Variants in NEK8 observed in about 807,000 individuals in gnomAD.
The protein encoded by NEK8 is NIMA related kinase 8.
A neutral mutation model predicts 77.2 loss-of-function variants in NEK8; 51 were observed. The ratio of observed to expected loss-of-function variants is 0.66; its 90% CI spans 0.53 to 0.83. NEK8 has a LOEUF of 0.83. Ranked by LOEUF, NEK8 falls within the 40% of genes least tolerant of loss-of-function variation. The pLI, the probability that NEK8 is intolerant of heterozygous loss-of-function variation, is 0.00. For synonymous variants in NEK8, 365 were observed against 363.2 expected, an observed-to-expected ratio of 1.00 and a Z score of -0.06; for missense variants, 787 against 909.2, an observed-to-expected ratio of 0.87 and a Z score of 1.73.
intron 4 of NEK8, among the ~76,000 whole-genome samples, chr17:28,736,723 C>A (rs1264934233): frequency 6.6e-6 from 1 of 152,154 alleles, no homozygotes; most frequent in South Asian, 2.1e-4. Flanking sequence ...TGTAGGTTGC[C>A]TGTTCACTCT....
rs371406871 is a variant in NEK8, at chr17:28,738,200, A to G, written c.1177A>G (p.Ile393Val). ...RFLEGQSGVTIKHVACGDFFT... is the reference protein window; with the variant it reads ...RFLEGQSGVTVKHVACGDFFT... ...CCTGGAGGGCCAGTCGGGTGTGACC[A>G]TCAAGCACGTGGCCTGTGGGGACTT... Residue 393 changes from isoleucine (I) to valine (V), a missense_variant, in exon 8 of 15, where the codon ATC (isoleucine) becomes GTC (valine). By Grantham distance (29) the Ile-to-Val change is conservative. This residue lies in a region of NEK8 where 516 missense variants were observed against 544.0 expected (regional missense o/e 0.95). Coordinates refer to ENST00000268766, the MANE Select transcript of NEK8 (RefSeq NM_178170.3). 28 of 1,613,998 alleles carry G rather than the reference A, an allele frequency of 1.7e-5. No individual in the cohort carries two copies. Among genetic ancestry groups the G allele is most frequent in the Non-Finnish European group, 2.1e-5 (25 of 1,180,012 alleles).
At position 28,739,249 on chromosome 17, in the gene NEK8, C is replaced by T. The variant is rs774309891; in HGVS notation, c.1417+48C>T. On this transcript the variant is annotated intron_variant, in intron 10 of 14. Coordinates refer to ENST00000268766, the MANE Select transcript of NEK8 (RefSeq NM_178170.3). ...CATCTCACAGCATCCTCAGCCATGA[C>T]TTGCTCCCCTTCATACCCACCTTCC... 30 of 1,261,494 alleles carry T rather than the reference C, an allele frequency of 2.4e-5. No homozygotes were observed. In the African/African-American group the frequency reaches 3.8e-4, roughly 16 times the overall value. 78.1% of individuals were successfully genotyped at this position (1,261,494 alleles called of 1,614,324 possible).
rs549513388 is a variant in NEK8, at chr17:28,742,710, T to A, written c.*723T>A. On this transcript the variant is annotated 3_prime_UTR_variant, in exon 15 of 15. Coordinates refer to ENST00000268766, the MANE Select transcript of NEK8 (RefSeq NM_178170.3). The stretch of plus-strand genomic sequence containing the variant: ...GCCAGGAGGATCCCTTGATCCCTTG[T>A]GGCCAGGAGTTGGGAGACCAGCCTG... 6.6e-6 allele frequency: 1 copy of A among 150,416 alleles called. No individual in the cohort carries two copies. Among genetic ancestry groups the A allele is most frequent in the East Asian group, 2.0e-4 (1 of 5,080 alleles). 9.3% of individuals were successfully genotyped at this position (150,416 alleles called of 1,614,324 possible).
In NEK8 at chr17:28,742,409, T is replaced by C. The variant is rs1043682433; in HGVS notation, c.*422T>C. On this transcript the variant is annotated 3_prime_UTR_variant, in exon 15 of 15. Transcript: ENST00000268766. ...GAGATCGAGACCATCCTGGCTAACG[T>C]GGTGAAACCCCATCTCTACTAAAAA... 2 of 288,972 alleles carry C rather than the reference T, an allele frequency of 6.9e-6. No homozygotes were observed. The allele number at this position is 288,972 out of a possible 1,614,324, so 17.9% of individuals were successfully genotyped here.
rs755125104 is a variant in NEK8 at position 28,734,122 on chromosome 17, G to A, written c.187G>A (p.Val63Ile). 1 of 1,614,008 alleles carries A rather than the reference G, an allele frequency of 6.2e-7. No individual in the cohort carries two copies. Among genetic ancestry groups the A allele is most frequent in the South Asian group, 1.1e-5 (1 of 91,072 alleles). ...QVLKLLNHPN[V>I]IEYYENFLED... ...CCTCAAGCTGCTCAACCACCCCAATGTCATTGAGTACTACGAGAACTTCCT... is the reference window on the plus strand; with the variant it reads ...CCTCAAGCTGCTCAACCACCCCAATATCATTGAGTACTACGAGAACTTCCT... Residue 63 changes from valine (V) to isoleucine (I), a missense_variant, in exon 2 of 15, where the codon GTC becomes ATC. Around this residue, in one of 2 missense-constraint regions of NEK8, gnomAD observed 271 missense variants for 365.1 expected, o/e 0.74. Transcript: ENST00000268766.
chr17:28,733,935 T>G (rs2034334758), intron 1 of NEK8, 48 bp from the exon 2 acceptor site: 1 of 1,547,730 alleles, frequency 6.5e-7, no homozygotes, highest in Admixed American at 1.7e-5. Flanking sequence ...GCCTGATATG[T>G]GGCTGGAGGC....
rs368153226 is a variant in NEK8, at chr17:28,741,487, C to A, written c.1966C>A (p.Arg656=). 6.2e-7 allele frequency: 1 copy of A among 1,614,030 alleles called. No homozygotes were observed. The highest frequency in any genetic ancestry group is 1.3e-5 in the African/African-American group (1 of 74,914). The change falls in exon 14 of 15, where the codon CGG becomes AGG. Residue 656 remains arginine, a synonymous_variant. Transcript: ENST00000268766. This position sits in a 1 kb window ranked among gnomAD's most constrained non-coding sequence, Gnocchi z 4.5. ...GRRDEDAGLP[R]PVQLDETHPY... ...GAGGGATGAGGATGCCGGACTCCCT[C>A]GGCCAGTGCAGTTGGATGAGACACA... is the stretch of plus-strand genomic sequence containing the variant.
chr17:28,734,603 G>A, intron 2 of NEK8, 169 bp from the exon 3 acceptor site: 1 of 622,156 alleles, frequency 1.6e-6, no homozygotes. Context: ...AGAATGGCTT[G>A]AACCCGGGAG....
In NEK8 at chr17:28,728,880, G is replaced by A. The variant is rs776304725; in HGVS notation, c.47+20G>A. 3 of 1,544,924 alleles carry A rather than the reference G, an allele frequency of 1.9e-6. No homozygotes were observed. Among genetic ancestry groups the A allele is most frequent in the East Asian group, 2.4e-5 (1 of 40,902 alleles). ...CTTCGGGTGAGCCAGGGCTCTGGGG[G>A]AGGAAACTGCTAGGGGATAGGGAAA... is the stretch of plus-strand genomic sequence containing the variant. On this transcript the variant is annotated intron_variant, in intron 1 of 14. Coordinates refer to ENST00000268766, the MANE Select transcript of NEK8 (RefSeq NM_178170.3).
In NEK8 at chr17:28,742,529, G is replaced by A. The variant is rs1278252398; in HGVS notation, c.*542G>A. On this transcript the variant is annotated 3_prime_UTR_variant, in exon 15 of 15. Transcript: ENST00000268766. Reference sequence around the variant, plus strand: ...GAATGGCGTAAACCCCTCCAGCCTGGGCGACAGAACCAGACTCCGTCTCAA... The same window carrying A: ...GAATGGCGTAAACCCCTCCAGCCTGAGCGACAGAACCAGACTCCGTCTCAA... 3.8e-5 allele frequency: 6 copies of A among 158,412 alleles called. No individual in the cohort carries two copies. Among genetic ancestry groups the A allele is most frequent in the African/African-American group, 1.5e-4 (6 of 41,142 alleles). 9.8% of individuals were successfully genotyped at this position (158,412 alleles called of 1,614,324 possible). A position where few individuals can be genotyped will look rare whatever the true frequency, so the allele number is the denominator to read the frequency against.
At position 28,735,292 on chromosome 17, in the gene NEK8, A is replaced by G; in HGVS notation, c.539A>G (p.Tyr180Cys). Residue 180 changes from tyrosine (Y) to cysteine (C), a missense_variant, in exon 4 of 15, where the codon TAC becomes TGC. Transcript: ENST00000268766. ...ISPELCEGKPYNQKSDIWALG... is the reference protein window; with the variant it reads ...ISPELCEGKPCNQKSDIWALG... ...CCTGAGCTGTGTGAGGGCAAGCCCT[A>G]CAACCAGAAGAGTGACATCTGGGCC... 1 of 1,614,080 alleles carries G rather than the reference A, an allele frequency of 6.2e-7. No homozygotes were observed. Among genetic ancestry groups the G allele is most frequent in the East Asian group, 2.2e-5 (1 of 44,888 alleles).
At position 28,740,781 on chromosome 17, in the gene NEK8, ACTGT is replaced by A. The variant is rs775909058; in HGVS notation, c.1569-35_1569-32del. On this transcript the variant is annotated intron_variant, in intron 11 of 14. Transcript: ENST00000268766. The surrounding 1 kb of genome is among the most constrained non-coding windows in gnomAD (Gnocchi z 4.7). ...TCCTGGTGCACCAGCTCCTGCCCAA[ACTGT>A]CTGTCAGTTGGATTTGGCTTCTGGC... 4.6e-5 allele frequency: 74 copies of A among 1,612,012 alleles called. No homozygotes were observed. The highest frequency in any genetic ancestry group is 4.1e-4 in the African/African-American group (31 of 74,952).
chr17:28,729,390 C>G (rs2034283669), intron 1 of NEK8, among the ~76,000 whole-genome samples: 1 of 152,194 alleles, frequency 6.6e-6, no homozygotes, highest in Non-Finnish European at 1.5e-5. Flanking sequence ...GAGTCTCCCT[C>G]TGTCACCCCG....
chr17:28,738,311 T>G, intron 8 of NEK8, 66 bp downstream of exon 8: 6 of 1,569,858 alleles, frequency 3.8e-6, no homozygotes, highest in Non-Finnish European at 4.4e-6. Context: ...CTCTCTTCTC[T>G]TGCAAAACAC....
chr17:28,735,007 G>T lies in NEK8; in HGVS notation c.486+3G>T, dbSNP rs752061201. The T allele has an allele frequency of 6.2e-7, 1 of 1,606,468 alleles. No individual in the cohort carries two copies. The highest frequency in any genetic ancestry group is 2.2e-5 in the East Asian group (1 of 44,872). ...GCAGCAAGAGCAAGGCCTACACGGT[G>T]CCTGGGCATGGAAGGGACCTCCAGG... On this transcript the variant is annotated splice_donor_region_variant and intron_variant, in intron 3 of 14. Transcript: ENST00000268766.
Position 28,740,519 on chromosome 17 carries a change from C to G in NEK8, c.1474C>G (p.Pro492Ala), listed in dbSNP as rs1324695909. ...SHSCPQQVPM[P>A]PGQEAQRVVC... ...CAGCTGCCCCCAGCAGGTGCCCATGCCCCCAGGACAGGAAGCTCAGCGAGT... is the reference window on the plus strand; with the variant it reads ...CAGCTGCCCCCAGCAGGTGCCCATGGCCCCAGGACAGGAAGCTCAGCGAGT... The change falls in exon 11 of 15, where the codon CCC becomes GCC. Residue 492 changes from proline to alanine, a missense_variant. By Grantham distance (27) the Pro-to-Ala change is conservative. Around this residue, in one of 2 missense-constraint regions of NEK8, gnomAD observed 516 missense variants for 544.0 expected, o/e 0.95. Coordinates refer to ENST00000268766, the MANE Select transcript of NEK8 (RefSeq NM_178170.3). The surrounding 1 kb of genome is among the most constrained non-coding windows in gnomAD (Gnocchi z 4.7). 6.2e-7 allele frequency: 1 copy of G among 1,613,888 alleles called. No individual in the cohort carries two copies. Among genetic ancestry groups the G allele is most frequent in the Non-Finnish European group, 8.5e-7 (1 of 1,179,872 alleles).
At chr17:28,731,168 C>T (rs2034302445) in intron 1 of NEK8, among the ~76,000 whole-genome samples, 1 of 151,932 alleles carries the variant, frequency 6.6e-6, no homozygotes, top group Non-Finnish European at 1.5e-5. Flanking sequence ...ACCTGGAAGG[C>T]AGAGGTTGCA....
chr17:28,741,253 GT>G lies in NEK8; in HGVS notation c.1891+18del, dbSNP rs1329276938. Reference sequence around the variant, plus strand: ...TTGGGGCAGGTGAGGACTGAGCATGGTGGGGGCAGACAGTGCCATGAGCAGT... The same window carrying G: ...TTGGGGCAGGTGAGGACTGAGCATGGGGGGGCAGACAGTGCCATGAGCAGT... On this transcript the variant is annotated intron_variant, in intron 13 of 14. Coordinates refer to ENST00000268766, the MANE Select transcript of NEK8 (RefSeq NM_178170.3). This position sits in a 1 kb window ranked among gnomAD's most constrained non-coding sequence, Gnocchi z 4.5. The G allele has an allele frequency of 6.3e-7, 1 of 1,599,466 alleles. No homozygotes were observed. The highest frequency in any genetic ancestry group is 8.5e-7 in the Non-Finnish European group (1 of 1,171,622).
chr17:28,741,693 C>T lies in NEK8; in HGVS notation c.2050+122C>T, dbSNP rs543735024. Reference sequence around the variant, plus strand: ...ATCTTTAGCCCCCAGATAAAAAAAGCAGAAGCTGCGGTTGAAAAGCTTCAA... The same window carrying T: ...ATCTTTAGCCCCCAGATAAAAAAAGTAGAAGCTGCGGTTGAAAAGCTTCAA... On this transcript the variant is annotated intron_variant, in intron 14 of 14. Transcript: ENST00000268766. The surrounding 1 kb of genome is among the most constrained non-coding windows in gnomAD (Gnocchi z 4.5). 1.6e-6 allele frequency: 2 copies of T among 1,288,610 alleles called. No individual in the cohort carries two copies. Among genetic ancestry groups the T allele is most frequent in the African/African-American group, 1.5e-5 (1 of 68,644 alleles). 79.8% of individuals were successfully genotyped at this position (1,288,610 alleles called of 1,614,324 possible).
Sources: gnomAD v4.1 joint callset for allele counts (sites outside exome capture counted in the v4.1 genomes callset) on GRCh38, gnomAD v4.1.1 for gene constraint, gnomAD v4.1.1 regional missense constraint, Gnocchi (gnomAD v3.1) non-coding constraint, MANE v1.5 for transcripts, NCBI Gene and HGNC (gene_info 2026-07-23, HGNC 2026-07-21) for gene names.